LRFN5: variants seen among roughly 807,000 people sequenced by gnomAD.
The protein encoded by LRFN5 is leucine rich repeat and fibronectin type III domain containing 5.
A neutral mutation model predicts 45.6 loss-of-function variants in LRFN5; 24 were observed. The observed-to-expected ratio is 0.53, with a 90% CI of 0.38 to 0.74. LRFN5 has a LOEUF of 0.74. Ranked by LOEUF, LRFN5 falls within the 30% of genes least tolerant of loss-of-function variation. The pLI is 0.00. For missense variants in LRFN5, 776 were observed against 861.5 expected (o/e 0.90, Z 1.24); for synonymous variants, 340 against 313.8 (o/e 1.08, Z -0.88).
chr14:41,898,883 G>A, intron 4 of LRFN5, 34 bp from the exon 5 acceptor site: 1 of 1,587,020 alleles, frequency 6.3e-7, no homozygotes, highest in Non-Finnish European at 8.6e-7. Flanking sequence ...TTAAAAAAAT[G>A]AATTGTTTAT....
intron 2 of LRFN5, among the ~76,000 whole-genome samples, chr14:41,787,679 T>G (rs1463990345): frequency 6.6e-6 from 1 of 152,022 alleles, no homozygotes; most frequent in Middle Eastern, 3.2e-3. Flanking sequence ...CTAGTTTATA[T>G]TTTATGTTTG....
chr14:41,712,026 G>T (rs1883305163), intron 1 of LRFN5, among the ~76,000 whole-genome samples: 1 of 152,160 alleles, frequency 6.6e-6, no homozygotes, highest in African/African-American at 2.4e-5. Flanking sequence ...TCCAACAGCA[G>T]ATTAGACACA....
intron 1 of LRFN5, among the ~76,000 whole-genome samples, chr14:41,739,385 A>AATCATCATCATC (rs60722886): frequency 7.7e-4 from 115 of 148,420 alleles, no homozygotes; most frequent in Admixed American, 1.5e-3. Flanking sequence ...ACATTGTGTC[A>AATCATCATCATC]ATCATCATCA....
chr14:41,838,060 A>G (rs1888724185), intron 2 of LRFN5, among the ~76,000 whole-genome samples: 3 of 152,228 alleles, frequency 2.0e-5, no homozygotes, highest in African/African-American at 7.2e-5. Context: ...GTTAAAGCAC[A>G]GTGAATGTTG....
intron 1 of LRFN5, among the ~76,000 whole-genome samples, chr14:41,717,541 G>A (rs1393518539): frequency 6.6e-6 from 1 of 152,126 alleles, no homozygotes; most frequent in Non-Finnish European, 1.5e-5. Context: ...TGAAATTCCT[G>A]AGTCTCTCTG....
At chr14:41,671,617 G>GTTTTTTTTTTTT (rs914212982) in intron 1 of LRFN5, among the ~76,000 whole-genome samples, 4,776 of 77,962 alleles carry the variant, frequency 0.061, 1,108 homozygotes, top group East Asian at 0.29. Context: ...TTTTTTTTTC[G>GTTTTTTTTTTTT]TTTTTTTTTT....
intron 1 of LRFN5, among the ~76,000 whole-genome samples, chr14:41,665,504 A>C (rs932992463): frequency 3.9e-5 from 6 of 152,004 alleles, no homozygotes; most frequent in African/African-American, 1.2e-4. Flanking sequence ...TTAATTGTTA[A>C]GCAGTGAAAC....
chr14:41,717,436 G>T (rs139457631), intron 1 of LRFN5, among the ~76,000 whole-genome samples: 1 of 152,102 alleles, frequency 6.6e-6, no homozygotes, highest in African/African-American at 2.4e-5. Context: ...ACCAAAACAC[G>T]TAGTTTTAAA....
chr14:41,796,889 G>A (rs915749809), intron 2 of LRFN5, among the ~76,000 whole-genome samples: 2 of 151,632 alleles, frequency 1.3e-5, no homozygotes, highest in Admixed American at 6.6e-5. Flanking sequence ...ATCATTAAAG[G>A]TTTTAAATAT....
At chr14:41,817,718 C>G (rs1887968822) in intron 2 of LRFN5, among the ~76,000 whole-genome samples, 2 of 152,086 alleles carry the variant, frequency 1.3e-5, no homozygotes, top group African/African-American at 4.8e-5. Flanking sequence ...CTGGAAGCAC[C>G]AAGAGTTTTC....
intron 2 of LRFN5, among the ~76,000 whole-genome samples, chr14:41,865,275 T>C (rs1454686189): frequency 6.6e-6 from 1 of 152,150 alleles, no homozygotes; most frequent in Non-Finnish European, 1.5e-5. Flanking sequence ...CTACTTTCCA[T>C]CTCTGAATCT....
chr14:41,812,040 G>A (rs1042007239), intron 2 of LRFN5, among the ~76,000 whole-genome samples: 1 of 151,956 alleles, frequency 6.6e-6, no homozygotes, highest in South Asian at 2.1e-4. Flanking sequence ...TCAGCACAAA[G>A]CGTGAAAAGT....
At chr14:41,694,558 T>G (rs563903783) in intron 1 of LRFN5, among the ~76,000 whole-genome samples, 97 of 152,088 alleles carry the variant, frequency 6.4e-4, no homozygotes, top group African/African-American at 2.2e-3. Context: ...CTTTTCTGTA[T>G]ATGGGCATTC....
At chr14:41,847,194 G>A (rs775431063) in intron 2 of LRFN5, among the ~76,000 whole-genome samples, 20 of 151,980 alleles carry the variant, frequency 1.3e-4, no homozygotes, top group Non-Finnish European at 2.2e-4. Context: ...GCTCCATGAG[G>A]TTAGTAAACT....
chr14:41,778,415 T>C (rs927254774), intron 2 of LRFN5, among the ~76,000 whole-genome samples: 1 of 151,736 alleles, frequency 6.6e-6, no homozygotes, highest in African/African-American at 2.4e-5. Flanking sequence ...TGGGGACTAT[T>C]TTATAGTTTT....
At chr14:41,769,732 TTTATGACA>T (rs1416742553) in intron 2 of LRFN5, among the ~76,000 whole-genome samples, 3 of 152,178 alleles carry the variant, frequency 2.0e-5, no homozygotes, top group Admixed American at 6.5e-5. Flanking sequence ...ATTATCACCT[TTTATGACA>T]TTATTTGAAA....
At chr14:41,696,835 T>G (rs1176006633) in intron 1 of LRFN5, among the ~76,000 whole-genome samples, 2 of 151,922 alleles carry the variant, frequency 1.3e-5, no homozygotes, top group Non-Finnish European at 2.9e-5. Flanking sequence ...GCCAGGCATG[T>G]TTCATGAACC....
intron 2 of LRFN5, among the ~76,000 whole-genome samples, chr14:41,819,146 A>G (rs1888025171): frequency 6.6e-6 from 1 of 152,168 alleles, no homozygotes; most frequent in African/African-American, 2.4e-5. Flanking sequence ...ATTGGTGGAC[A>G]CTTAGTTTGA....
At chr14:41,785,049 AT>A (rs1417588540) in intron 2 of LRFN5, among the ~76,000 whole-genome samples, 6 of 152,102 alleles carry the variant, frequency 3.9e-5, no homozygotes. Flanking sequence ...TCTGAAATCT[AT>A]TTCAAATAAT....
Sources: gnomAD v4.1 joint callset for allele counts (sites outside exome capture counted in the v4.1 genomes callset) on GRCh38, gnomAD v4.1.1 for gene constraint, MANE v1.5 for transcripts, NCBI Gene and HGNC (gene_info 2026-07-23, HGNC 2026-07-21) for gene names.